HEATR4: variants seen among roughly 807,000 people sequenced by gnomAD.
The protein encoded by HEATR4 is HEAT repeat-containing protein 4.
A neutral mutation model predicts 108.8 loss-of-function variants in HEATR4; 95 were observed. The observed-to-expected ratio is 0.87, with a 90% CI of 0.74 to 1.04. HEATR4 has a LOEUF of 1.04. Among genes scored for constraint, HEATR4 ranks in the 50% least tolerant of loss-of-function variants. HEATR4 has a pLI of 0.00. For missense variants in HEATR4, 1,152 were observed against 1,253.8 expected (o/e 0.92, Z 1.23); for synonymous variants, 443 against 459.4 (o/e 0.96, Z 0.46).
chr14:73,583,919 G>A, the HEATR4 span, among the ~76,000 whole-genome samples: 13 of 151,928 alleles, frequency 8.6e-5, no homozygotes, highest in East Asian at 2.3e-3. Flanking sequence ...AGAATCGCTC[G>A]AACCCCGGGA....
the HEATR4 span, chr14:73,573,709 C>G: frequency 8.4e-7 from 1 of 1,186,850 alleles, no homozygotes; most frequent in African/African-American, 1.5e-5. Context: ...CACACACTAC[C>G]TTTTTTAGTC....
the HEATR4 span, among the ~76,000 whole-genome samples, chr14:73,601,861 T>C: frequency 6.6e-6 from 1 of 152,218 alleles, no homozygotes; most frequent in Non-Finnish European, 1.5e-5. Context: ...TAAATAGTAA[T>C]AGTTAAAACA....
chr14:73,576,821 G>GAAAAT, the HEATR4 span, among the ~76,000 whole-genome samples: 2 of 61,748 alleles, frequency 3.2e-5, no homozygotes, highest in East Asian at 4.1e-4. Flanking sequence ...AAAAAAAAAA[G>GAAAAT]ACAATATTTA....
intron 3 of HEATR4, 80 bp downstream of exon 3, chr14:73,522,192 G>C (rs559650872): frequency 7.1e-7 from 1 of 1,417,036 alleles, no homozygotes; most frequent in Non-Finnish European, 9.7e-7. Context: ...TTCTGAAATC[G>C]GGAGTGTGAG....
At chr14:73,569,185 G>A in the HEATR4 span, 50 of 1,589,600 alleles carry the variant, frequency 3.1e-5, 1 homozygote, top group Non-Finnish European at 4.1e-5. Flanking sequence ...CCCCGCTCAC[G>A]TTAGCAGACA....
Position 73,509,324 on chromosome 14 carries a change from C to CAGT in HEATR4, c.1705_1707dup (p.Thr569dup). 6.2e-6 allele frequency: 10 copies of CAGT among 1,614,062 alleles called. No homozygotes were observed. Among genetic ancestry groups the CAGT allele is most frequent in the Non-Finnish European group, 8.5e-6 (10 of 1,179,972 alleles). Reference sequence around the variant, plus strand: ...GGGAGTTACTCACCCTTCAGAAGGGCAGTCTGCATGATGTTCCGGGCAAGG... The same window carrying CAGT: ...GGGAGTTACTCACCCTTCAGAAGGGCAGTAGTCTGCATGATGTTCCGGGCAAGG... On this transcript the variant is annotated inframe_insertion, in exon 8 of 18. Coordinates refer to ENST00000553558, the MANE Select transcript of HEATR4 (RefSeq NM_001220484.1).
At chr14:73,499,006 C>G (rs925106156) in intron 13 of HEATR4, 65 bp downstream of exon 13, 2 of 1,374,130 alleles carry the variant, frequency 1.5e-6, no homozygotes, top group Non-Finnish European at 1.0e-6. Context: ...TTCAGGGGAT[C>G]ATTTCTACTT....
chr14:73,558,247 C>A (rs1380695968), intron 1 of HEATR4, among the ~76,000 whole-genome samples: 2 of 138,780 alleles, frequency 1.4e-5, no homozygotes, highest in Non-Finnish European at 3.1e-5. Context: ...TCAAAAAGTT[C>A]CCCTCATTTT....
intron 1 of HEATR4, among the ~76,000 whole-genome samples, chr14:73,551,932 C>G (rs1483138814): frequency 2.0e-4 from 22 of 112,600 alleles, no homozygotes; most frequent in African/African-American, 5.5e-4. Context: ...TGCATGCTCA[C>G]TTCCGAAAGG....
chr14:73,502,448 T>G (rs753131773), intron 11 of HEATR4, among the ~76,000 whole-genome samples: 1 of 152,148 alleles, frequency 6.6e-6, no homozygotes, highest in Non-Finnish European at 1.5e-5. Context: ...CCTAGCCACA[T>G]TGTTAGTTTG....
At chr14:73,542,165 AT>A (rs34070206) in intron 1 of HEATR4, among the ~76,000 whole-genome samples, 34,295 of 97,706 alleles carry the variant, frequency 0.35, 13,029 homozygotes, top group Admixed American at 0.5. Flanking sequence ...TAATTTTTGT[AT>A]TTTTTTTTTT....
At chr14:73,490,869 G>A in intron 17 of HEATR4, 1 of 774,834 alleles carries the variant, frequency 1.3e-6, no homozygotes, top group Non-Finnish European at 1.8e-6. Context: ...GAGCGGGAGG[G>A]GCCGAATAGA....
At chr14:73,512,571 A>G (rs1887334465) in intron 6 of HEATR4, among the ~76,000 whole-genome samples, 1 of 152,220 alleles carries the variant, frequency 6.6e-6, no homozygotes. Context: ...GCATAATACT[A>G]GAACCCACAT....
upstream of HEATR4, among the ~76,000 whole-genome samples, chr14:73,561,990 T>C (rs574727033): frequency 6.6e-6 from 1 of 151,512 alleles, no homozygotes; most frequent in African/African-American, 2.4e-5. Flanking sequence ...CTGGGGAGAG[T>C]GAAGTTATGA....
intron 17 of HEATR4, chr14:73,491,613 G>A (rs1209140557): frequency 1.9e-6 from 3 of 1,547,240 alleles, no homozygotes; most frequent in African/African-American, 1.4e-5. Context: ...CCCAGCAGCC[G>A]GCGGCGAGCG....
At chr14:73,502,817 G>A in intron 11 of HEATR4, 78 bp downstream of exon 11, 2 of 1,073,226 alleles carry the variant, frequency 1.9e-6, no homozygotes, top group South Asian at 1.3e-5. Context: ...AAAGTGTTGG[G>A]AGCCACCTTG....
chr14:73,510,967 G>A (rs1452882068), intron 7 of HEATR4, among the ~76,000 whole-genome samples: 2 of 152,160 alleles, frequency 1.3e-5, no homozygotes, highest in Non-Finnish European at 2.9e-5. Context: ...TTCACTTATA[G>A]CTCTTCTCAG....
At chr14:73,615,036 C>T in the HEATR4 span, among the ~76,000 whole-genome samples, 1 of 149,170 alleles carries the variant, frequency 6.7e-6, no homozygotes, top group Non-Finnish European at 1.5e-5. Flanking sequence ...TTGCAGTGAG[C>T]CAAGATCGCA....
At chr14:73,576,816 A>AAAAAAAAAAAAAAAAAAAAAAAAAAAAG in the HEATR4 span, among the ~76,000 whole-genome samples, 72 of 58,146 alleles carry the variant, frequency 1.2e-3, 20 homozygotes, top group Non-Finnish European at 2.2e-3. Flanking sequence ...AAAAAAAAAA[A>AAAAAAAAAAAAAAAAAAAAAAAAAAAAG]AAAAGACAAT....
Sources: allele counts gnomAD v4.1 joint callset (sites outside exome capture counted in the v4.1 genomes callset), GRCh38; gene constraint gnomAD v4.1.1; transcripts MANE v1.5; gene names NCBI Gene and HGNC (gene_info 2026-07-23, HGNC 2026-07-21).